The following AAK1 variants were observed in gnomAD, a reference collection of about 807,000 sequenced individuals.
AAK1 encodes the protein AP2 associated kinase 1, also known as AP2-associated protein kinase 1.
AAK1 carries 37 observed loss-of-function variants against 116.0 expected under a neutral mutation model. The ratio of observed to expected loss-of-function variants is 0.32; its 90% CI spans 0.25 to 0.42. The LOEUF (loss-of-function observed/expected upper bound fraction) is 0.42. Ranked by LOEUF, AAK1 falls within the 10% of genes least tolerant of loss-of-function variation. The pLI is 1.00. For missense variants in AAK1, 919 were observed against 1,170.6 expected, an observed-to-expected ratio of 0.79 and a Z score of 3.14; for synonymous variants, 458 against 439.9, an observed-to-expected ratio of 1.04 and a Z score of -0.51.
At position 69,473,734 on chromosome 2, in the gene AAK1, A is replaced by C. The variant is rs1247351875; in HGVS notation, c.*2135T>G. On this transcript the variant is annotated 3_prime_UTR_variant, in exon 22 of 22. Transcript: ENST00000409085. ...TTCATTATATTTCTAACATGTATAT[A>C]CGAAAAAAATCAAATATGAAAACAT... is the stretch of plus-strand genomic sequence containing the variant. The C allele has an allele frequency of 1.0e-6, 1 of 967,990 alleles. No homozygotes were observed. The highest frequency in any genetic ancestry group is 1.1e-4 in the East Asian group (1 of 8,740). The allele number at this position is 967,990 out of a possible 1,614,324, so 60.0% of individuals were successfully genotyped here.
Position 69,484,504 on chromosome 2 carries a change from G to C in AAK1, c.2366-1692C>G, listed in dbSNP as rs112685572. Among the ~76,000 whole-genome samples, 1,021 of 152,184 alleles carry C rather than the reference G, an allele frequency of 6.7e-3. 14 individuals carry two copies. The highest frequency in any genetic ancestry group is 0.024 in the African/African-American group (981 of 41,514). ...TATACCTCGTTTATATTAAAAAAAG[G>C]AAGGACGGCTGGGTGCAGTGGCTCA... On this transcript the variant is annotated intron_variant, in intron 17 of 21. Transcript: ENST00000409085.
At chr2:69,489,450 CAAA>C (rs70954346) in intron 17 of AAK1, among the ~76,000 whole-genome samples, 2 of 119,340 alleles carry the variant, frequency 1.7e-5, no homozygotes, top group African/African-American at 3.1e-5. Context: ...GACTCCGTCT[CAAA>C]AAAAAAAAAA....
Position 69,469,701 on chromosome 2 carries a change from T to C in AAK1, c.*6168A>G. The C allele has an allele frequency of 2.0e-6, 2 of 985,444 alleles. No individual in the cohort carries two copies. Among genetic ancestry groups the C allele is most frequent in the Non-Finnish European group, 2.4e-6 (2 of 829,928 alleles). 61.0% of individuals were successfully genotyped at this position (985,444 alleles called of 1,614,324 possible). A position where few individuals can be genotyped will look rare whatever the true frequency, so the allele number is the denominator to read the frequency against. ...GTCTTACTTATCATAGAGCCTAACG[T>C]AGGGTTTTGTTATAATTCCCTCAAA... On this transcript the variant is annotated 3_prime_UTR_variant, in exon 22 of 22. Transcript: ENST00000409085.
chr2:69,558,434 C>T (rs975067648), intron 2 of AAK1, among the ~76,000 whole-genome samples: 1 of 152,126 alleles, frequency 6.6e-6, no homozygotes, highest in African/African-American at 2.4e-5. Context: ...AGAACCCTAA[C>T]CTCATCCTCA....
chr2:69,610,945 T>C (rs116544247), intron 2 of AAK1, among the ~76,000 whole-genome samples: 2,027 of 152,352 alleles, frequency 0.013, 45 homozygotes, highest in African/African-American at 0.045. Context: ...GTGCAGCTGC[T>C]GTGGAAAATG....
intron 2 of AAK1, among the ~76,000 whole-genome samples, chr2:69,634,497 C>G (rs1675362629): frequency 6.6e-6 from 1 of 152,208 alleles, no homozygotes; most frequent in South Asian, 2.1e-4. Context: ...TACTAAGCAT[C>G]TCATATGTTC....
At position 69,493,158 on chromosome 2, in the gene AAK1, CAAAAA is replaced by C. The variant is rs574490585; in HGVS notation, c.2365+2822_2365+2826del. On this transcript the variant is annotated intron_variant, in intron 17 of 21. Transcript: ENST00000409085. ...TGGGCGACAGAGCGAGACTCCGTCTCAAAAAAAAAAAAAAAAAAAGGATGCAGTGG... is the reference window on the plus strand; with the variant it reads ...TGGGCGACAGAGCGAGACTCCGTCTCAAAAAAAAAAAAAAGGATGCAGTGG... Among the ~76,000 whole-genome samples the C allele has an allele frequency of 9.6e-4, 36 of 37,572 alleles. 1 individual carries two copies. Among genetic ancestry groups the C allele is most frequent in the Non-Finnish European group, 1.9e-3 (29 of 15,298 alleles). 24.6% of individuals were successfully genotyped at this position (37,572 alleles called of 152,430 possible). A position where few individuals can be genotyped will look rare whatever the true frequency, so the allele number is the denominator to read the frequency against.
chr2:69,471,115 C>T lies in AAK1; in HGVS notation c.*4754G>A. ...TAAAGACCTATGATAAACACACATC[C>T]ACATGACAAAGGAGAGTGCAATAGG... On this transcript the variant is annotated 3_prime_UTR_variant, in exon 22 of 22. Transcript: ENST00000409085. The T allele has an allele frequency of 4.1e-6, 4 of 985,742 alleles. No homozygotes were observed. The highest frequency in any genetic ancestry group is 4.8e-6 in the Non-Finnish European group (4 of 829,932). 61.1% of individuals were successfully genotyped at this position (985,742 alleles called of 1,614,324 possible).
intron 16 of AAK1, among the ~76,000 whole-genome samples, chr2:69,496,893 A>G (rs1160060973): frequency 6.6e-6 from 1 of 152,152 alleles, no homozygotes; most frequent in Non-Finnish European, 1.5e-5. Flanking sequence ...CTTCTTGCCT[A>G]TTCCAAGGTT....
In AAK1 at chr2:69,466,315, A is replaced by G. The variant is rs1455802810; in HGVS notation, c.*9554T>C. ...TCAGACTCCATAAGGAGAGGCCGAG[A>G]CCCACTGCAGTCCAGCATGTCTCCT... is the stretch of plus-strand genomic sequence containing the variant. On this transcript the variant is annotated 3_prime_UTR_variant, in exon 22 of 22. Coordinates refer to ENST00000409085, the MANE Select transcript of AAK1 (RefSeq NM_014911.5). The G allele has an allele frequency of 7.8e-7, 1 of 1,289,682 alleles. No individual in the cohort carries two copies. The highest frequency in any genetic ancestry group is 2.3e-5 in the Admixed American group (1 of 43,556). 79.9% of individuals were successfully genotyped at this position (1,289,682 alleles called of 1,614,324 possible). A position where few individuals can be genotyped will look rare whatever the true frequency, so the allele number is the denominator to read the frequency against.
rs571167118 is a variant in AAK1 at position 69,461,499 on chromosome 2, C to CA, written c.*14369dup. 39,123 of 157,766 alleles carry CA rather than the reference C, an allele frequency of 0.25. 4,253 individuals carry two copies. Among genetic ancestry groups the CA allele is most frequent in the African/African-American group, 0.43 (13,740 of 32,186 alleles). The allele number at this position is 157,766 out of a possible 1,614,324, so 9.8% of individuals were successfully genotyped here. ...AAGTCAAAGTTTTTTCATGCATCAC[C>CA]AAAAAAAAAAAAAAAAGTAATTTGC... On this transcript the variant is annotated 3_prime_UTR_variant, in exon 22 of 22. Transcript: ENST00000409085.
chr2:69,617,853 A>G (rs771119125), intron 2 of AAK1, among the ~76,000 whole-genome samples: 4 of 152,228 alleles, frequency 2.6e-5, no homozygotes, highest in Non-Finnish European at 5.9e-5. Flanking sequence ...CCTAGAAAGA[A>G]TATACAAGGA....
intron 5 of AAK1, among the ~76,000 whole-genome samples, chr2:69,541,918 C>T (rs756330718): frequency 1.3e-5 from 2 of 152,208 alleles, no homozygotes; most frequent in Non-Finnish European, 2.9e-5. Context: ...AGGCAAGTCA[C>T]ATAACCTCTC....
In AAK1 at chr2:69,461,004, C is replaced by T. The variant is rs560170456; in HGVS notation, c.*14865G>A. The T allele has an allele frequency of 1.3e-5, 2 of 152,130 alleles. No homozygotes were observed. The highest frequency in any genetic ancestry group is 2.4e-5 in the African/African-American group (1 of 41,430). The allele number at this position is 152,130 out of a possible 1,614,324, so 9.4% of individuals were successfully genotyped here. A position where few individuals can be genotyped will look rare whatever the true frequency, so the allele number is the denominator to read the frequency against. On this transcript the variant is annotated 3_prime_UTR_variant, in exon 22 of 22. Transcript: ENST00000409085. ...ATGTGTAAAGCAAAAACACAACAAA[C>T]GAAAACAAGAAAGTAGAGTTGTTTG...
In AAK1 at chr2:69,589,338, C is replaced by T. The variant is rs758492789; in HGVS notation, c.164-32360G>A. ...CAAGCAACGAGGCAGAGAGTCAAGA[C>T]CTAGAAAGATCAGCAGGAAAAGGAG... On this transcript the variant is annotated intron_variant, in intron 2 of 21. Transcript: ENST00000409085. Among the ~76,000 whole-genome samples, 75 of 152,124 alleles carry T rather than the reference C, an allele frequency of 4.9e-4. 1 individual carries two copies. The highest frequency in any genetic ancestry group is 2.2e-4 in the Non-Finnish European group (15 of 68,020).
At chr2:69,638,944 T>C (rs1009771790) in intron 2 of AAK1, among the ~76,000 whole-genome samples, 4 of 152,242 alleles carry the variant, frequency 2.6e-5, no homozygotes, top group African/African-American at 9.6e-5. Context: ...ATACAGTGCC[T>C]GCCACAAAGA....
intron 3 of AAK1, among the ~76,000 whole-genome samples, chr2:69,549,960 GTTAT>G (rs1368306693): frequency 2.6e-5 from 4 of 152,086 alleles, no homozygotes; most frequent in Non-Finnish European, 5.9e-5. Context: ...CTTTAAACGA[GTTAT>G]TTGTTAAATG....
chr2:69,484,812 CT>C (rs546256110), intron 17 of AAK1, among the ~76,000 whole-genome samples: 224 of 151,294 alleles, frequency 1.5e-3, no homozygotes, highest in Non-Finnish European at 2.5e-3. Context: ...GAGGCGGAGG[CT>C]GCACTGAGCC....
chr2:69,539,633 G>C (rs1006520526), intron 5 of AAK1, among the ~76,000 whole-genome samples: 1 of 152,216 alleles, frequency 6.6e-6, no homozygotes. Flanking sequence ...ACTAGGAGTA[G>C]TGTCAATACA....
Sources: allele counts gnomAD v4.1 joint callset (sites outside exome capture counted in the v4.1 genomes callset), GRCh38; gene constraint gnomAD v4.1.1; transcripts MANE v1.5; gene names NCBI Gene and HGNC (gene_info 2026-07-23, HGNC 2026-07-21).